The following DLG2 variants were observed in gnomAD, a reference collection of about 807,000 sequenced individuals.
The protein encoded by DLG2 is discs large MAGUK scaffold protein 2, also known as disks large homolog 2.
DLG2 carries 45 observed loss-of-function variants against 132.5 expected under a neutral mutation model. That is an observed-to-expected ratio of 0.34 (90% CI 0.27 to 0.44). The LOEUF (loss-of-function observed/expected upper bound fraction) is 0.44. Among genes scored for constraint, DLG2 ranks in the 20% least tolerant of loss-of-function variants. The pLI is 1.00. For missense variants in DLG2, 1,045 were observed against 1,196.9 expected, an observed-to-expected ratio of 0.87 and a Z score of 1.87; for synonymous variants, 424 against 419.6, an observed-to-expected ratio of 1.01 and a Z score of -0.13.
At chr11:83,796,503 A>C (rs1160247242) in intron 17 of DLG2, among the ~76,000 whole-genome samples, 1 of 152,058 alleles carries the variant, frequency 6.6e-6, no homozygotes, top group Admixed American at 6.5e-5. Context: ...CCAAGTGACC[A>C]TTTGCTTGTG....
intron 7 of DLG2, among the ~76,000 whole-genome samples, chr11:84,342,420 T>C (rs1024188802): frequency 6.6e-6 from 1 of 152,242 alleles, no homozygotes; most frequent in Non-Finnish European, 1.5e-5. Context: ...TTATTTCCCC[T>C]CTTTTGACAG....
chr11:85,192,558 G>C (rs1236975833), intron 4 of DLG2, among the ~76,000 whole-genome samples: 1 of 152,076 alleles, frequency 6.6e-6, no homozygotes, highest in Non-Finnish European at 1.5e-5. Flanking sequence ...AAACTGGAGG[G>C]GAATTAATAG....
intron 9 of DLG2, among the ~76,000 whole-genome samples, chr11:84,112,322 C>CTT (rs60021668): frequency 2.7e-4 from 32 of 119,204 alleles, no homozygotes; most frequent in South Asian, 8.2e-4. Flanking sequence ...TTTACTTTTC[C>CTT]TTTTTTTTTT....
intron 6 of DLG2, chr11:84,887,174 T>C (rs897974257): frequency 6.6e-6 from 1 of 152,116 alleles, no homozygotes; most frequent in African/African-American, 2.4e-5. Flanking sequence ...AAAAGCACCA[T>C]CTGTTCATGC....
Position 83,746,923 on chromosome 11 carries a change from C to G in DLG2, c.1825+39767G>C, listed in dbSNP as rs943327971. 1.9e-4 allele frequency among the ~76,000 whole-genome samples: 29 copies of G among 152,094 alleles called. 1 individual carries two copies. Among genetic ancestry groups the G allele is most frequent in the African/African-American group, 5.6e-4 (23 of 41,404 alleles). ...AACACATTTTAGATCATCTGGGTGC[C>G]TGCCCTAAAACCAAGCAGTACCATA... On this transcript the variant is annotated intron_variant, in intron 18 of 27. Transcript: ENST00000376104.
chr11:84,819,074 A>AATAC (rs1171117949), intron 6 of DLG2, among the ~76,000 whole-genome samples: 1 of 19,120 alleles, frequency 5.2e-5, no homozygotes, highest in African/African-American at 1.2e-4. Flanking sequence ...CTCACTCACA[A>AATAC]ATACACACAC....
At chr11:84,207,382 C>T (rs1031153970) in intron 8 of DLG2, among the ~76,000 whole-genome samples, 18 of 151,932 alleles carry the variant, frequency 1.2e-4, no homozygotes, top group Non-Finnish European at 2.2e-4. Context: ...CACTACTTGA[C>T]TTTAATATTT....
chr11:85,052,314 T>C (rs1219216985), intron 6 of DLG2, among the ~76,000 whole-genome samples: 1 of 152,190 alleles, frequency 6.6e-6, no homozygotes, highest in Non-Finnish European at 1.5e-5. Flanking sequence ...AATATCAAAC[T>C]GAATTCTTAC....
intron 4 of DLG2, among the ~76,000 whole-genome samples, chr11:85,202,910 G>A (rs1052325831): frequency 6.6e-6 from 1 of 151,412 alleles, no homozygotes; most frequent in South Asian, 2.1e-4. Context: ...TACTCTAAGG[G>A]AAATATATAA....
intron 8 of DLG2, among the ~76,000 whole-genome samples, chr11:84,173,587 CA>C (rs2095871088): frequency 6.6e-6 from 1 of 152,144 alleles, no homozygotes; most frequent in Non-Finnish European, 1.5e-5. Flanking sequence ...ATGATCTAAC[CA>C]GATAGTCAAG....
intron 5 of DLG2, among the ~76,000 whole-genome samples, chr11:85,144,514 T>C (rs904169971): frequency 3.3e-5 from 5 of 151,914 alleles, no homozygotes; most frequent in African/African-American, 4.8e-5. Context: ...CCTTCCTGTC[T>C]TCCTTTGTGT....
chr11:83,836,209 C>G (rs1361874448), intron 16 of DLG2, among the ~76,000 whole-genome samples: 2 of 152,062 alleles, frequency 1.3e-5, no homozygotes, highest in Non-Finnish European at 2.9e-5. Context: ...AGGATCACAC[C>G]CCTTGGGGAA....
chr11:84,116,040 G>A (rs1012034599), intron 9 of DLG2, among the ~76,000 whole-genome samples: 1 of 152,296 alleles, frequency 6.6e-6, no homozygotes. Flanking sequence ...TTCACAGACT[G>A]GAATTTCATT....
intron 9 of DLG2, among the ~76,000 whole-genome samples, chr11:84,104,450 TA>T (rs2092763545): frequency 6.6e-6 from 1 of 152,024 alleles, no homozygotes; most frequent in African/African-American, 2.4e-5. Context: ...GGAAAAAGGT[TA>T]AAAAACTACC....
At position 84,496,320 on chromosome 11, in the gene DLG2, T is replaced by C. The variant is rs184606582; in HGVS notation, c.519+38250A>G. Among the ~76,000 whole-genome samples the C allele has an allele frequency of 2.6e-4, 39 of 152,322 alleles. 1 individual carries two copies. In the East Asian group the frequency reaches 7.0e-3, roughly 27 times the overall value. On this transcript the variant is annotated intron_variant, in intron 7 of 27. Transcript: ENST00000376104. ...GCATTCTGAGAAATGTGTTATCATATAGCTTGGGGTGAGCTCTGTGTGTTT... is the reference window on the plus strand; with the variant it reads ...GCATTCTGAGAAATGTGTTATCATACAGCTTGGGGTGAGCTCTGTGTGTTT...
chr11:84,152,159 C>T (rs993040406), intron 9 of DLG2, among the ~76,000 whole-genome samples: 1 of 152,006 alleles, frequency 6.6e-6, no homozygotes, highest in African/African-American at 2.4e-5. Flanking sequence ...AAGTCTCCCA[C>T]TATTATTATG....
chr11:83,795,141 C>T (rs1231383220), intron 17 of DLG2, among the ~76,000 whole-genome samples: 1 of 152,146 alleles, frequency 6.6e-6, no homozygotes, highest in African/African-American at 2.4e-5. Flanking sequence ...GCGCGGTGCT[C>T]ACGCCTGTAA....
chr11:83,487,983 T>C (rs1334978095), intron 21 of DLG2, among the ~76,000 whole-genome samples: 3 of 151,916 alleles, frequency 2.0e-5, no homozygotes, highest in African/African-American at 7.2e-5. Context: ...ATGTTTGTTA[T>C]ACAATTAGAT....
At chr11:84,158,654 C>T (rs750220254) in intron 9 of DLG2, among the ~76,000 whole-genome samples, 4 of 152,220 alleles carry the variant, frequency 2.6e-5, no homozygotes, top group South Asian at 2.1e-4. Context: ...TTAAATTAAA[C>T]GTTACAGAGG....
Sources: gnomAD v4.1 joint callset for allele counts (sites outside exome capture counted in the v4.1 genomes callset) on GRCh38, gnomAD v4.1.1 for gene constraint, MANE v1.5 for transcripts, NCBI Gene and HGNC (gene_info 2026-07-23, HGNC 2026-07-21) for gene names.